The following UNC5D variants were observed in gnomAD, a reference collection of about 807,000 sequenced individuals.
UNC5D encodes the protein netrin receptor UNC5D.
In UNC5D, 39 loss-of-function variants were observed where a neutral mutation model predicts 105.4. That is an observed-to-expected ratio of 0.37 (90% CI 0.29 to 0.48). The LOEUF is 0.48. Ranked by LOEUF, UNC5D falls within the 20% of genes least tolerant of loss-of-function variation. The pLI, the probability that UNC5D is intolerant of heterozygous loss-of-function variation, is 0.98. For missense variants in UNC5D, 991 were observed against 1,202.4 expected, an observed-to-expected ratio of 0.82 and a Z score of 2.60; for synonymous variants, 452 against 450.4, an observed-to-expected ratio of 1.00 and a Z score of -0.04.
chr8:35,720,309 G>A (rs1242286871), intron 8 of UNC5D, among the ~76,000 whole-genome samples: 1 of 152,188 alleles, frequency 6.6e-6, no homozygotes, highest in Non-Finnish European at 1.5e-5. Flanking sequence ...AGCAACAAAG[G>A]AGCTGCATTC....
chr8:35,376,838 A>G (rs189832078), intron 1 of UNC5D, among the ~76,000 whole-genome samples: 3 of 152,338 alleles, frequency 2.0e-5, no homozygotes, highest in Admixed American at 2.0e-4. Context: ...TTCATCCGCC[A>G]GGAATGATCA....
At chr8:35,656,638 G>T (rs552470438) in intron 4 of UNC5D, among the ~76,000 whole-genome samples, 1 of 152,060 alleles carries the variant, frequency 6.6e-6, no homozygotes, top group Non-Finnish European at 1.5e-5. Context: ...CTCTTTGAGG[G>T]GCTGCACCTG....
chr8:35,282,300 A>G lies in UNC5D; in HGVS notation c.103+46413A>G, dbSNP rs192676810. Among the ~76,000 whole-genome samples the G allele has an allele frequency of 5.3e-5, 8 of 152,234 alleles. No homozygotes were observed. The East Asian group carries it at 1.5e-3, about 29-fold the overall frequency. ...CTTGTCCTCATTTTCCTTTCTTTGT[A>G]CCTGTTTACTGATAAAATTTGGTTG... On this transcript the variant is annotated intron_variant, in intron 1 of 16. Transcript: ENST00000404895.
intron 3 of UNC5D, among the ~76,000 whole-genome samples, chr8:35,573,582 A>G (rs1817894242): frequency 6.6e-6 from 1 of 152,200 alleles, no homozygotes; most frequent in Non-Finnish European, 1.5e-5. Flanking sequence ...AGGTATGTTG[A>G]TCCTTTTCTG....
intron 3 of UNC5D, among the ~76,000 whole-genome samples, chr8:35,588,969 G>A (rs1284026561): frequency 6.6e-6 from 1 of 152,044 alleles, no homozygotes; most frequent in African/African-American, 2.4e-5. Flanking sequence ...CTTGAATCTG[G>A]GAGGCAGAGG....
chr8:35,688,709 C>T (rs184760359), intron 7 of UNC5D, among the ~76,000 whole-genome samples: 406 of 152,332 alleles, frequency 2.7e-3, no homozygotes, highest in African/African-American at 7.9e-3. Context: ...AAGAAATGTG[C>T]TTCTCACCTC....
intron 1 of UNC5D, among the ~76,000 whole-genome samples, chr8:35,436,640 A>G (rs1274349539): frequency 2.0e-5 from 3 of 152,046 alleles, no homozygotes; most frequent in Admixed American, 6.6e-5. Flanking sequence ...TTGTATCTCC[A>G]TATAAATACT....
intron 1 of UNC5D, among the ~76,000 whole-genome samples, chr8:35,508,059 A>AT (rs1812453859): frequency 6.6e-6 from 1 of 152,198 alleles, no homozygotes; most frequent in Admixed American, 6.5e-5. Flanking sequence ...TGGTCCTATC[A>AT]TGACAGTCAT....
At chr8:35,434,411 T>C (rs960512821) in intron 1 of UNC5D, among the ~76,000 whole-genome samples, 11 of 152,220 alleles carry the variant, frequency 7.2e-5, no homozygotes, top group African/African-American at 2.4e-4. Context: ...GTAAGTAATT[T>C]TAAATTTTTT....
At chr8:35,606,847 T>C (rs1179680692) in intron 4 of UNC5D, among the ~76,000 whole-genome samples, 1 of 152,196 alleles carries the variant, frequency 6.6e-6, no homozygotes, top group African/African-American at 2.4e-5. Flanking sequence ...AGGGGACTTA[T>C]GAATTATAGG....
intron 1 of UNC5D, among the ~76,000 whole-genome samples, chr8:35,411,799 T>A (rs1296352709): frequency 5.9e-5 from 9 of 152,046 alleles, no homozygotes; most frequent in Non-Finnish European, 1.2e-4. Context: ...TAATTTTTTT[T>A]ATCAATGTTT....
At chr8:35,684,781 T>C (rs751563381) in intron 6 of UNC5D, 32 bp downstream of exon 6, 1 of 1,577,978 alleles carries the variant, frequency 6.3e-7, no homozygotes, top group South Asian at 1.2e-5. Context: ...TTTTCCCTTC[T>C]GATCCACCAA....
intron 1 of UNC5D, among the ~76,000 whole-genome samples, chr8:35,273,497 T>C (rs748235415): frequency 3.3e-5 from 5 of 152,180 alleles, no homozygotes; most frequent in Non-Finnish European, 7.3e-5. Context: ...CTTTCAGACT[T>C]AAGGAATAAA....
At chr8:35,482,249 T>C (rs1248318025) in intron 1 of UNC5D, among the ~76,000 whole-genome samples, 1 of 152,196 alleles carries the variant, frequency 6.6e-6, no homozygotes, top group African/African-American at 2.4e-5. Context: ...TTGTCCTTTT[T>C]CCTCCTGACT....
intron 4 of UNC5D, among the ~76,000 whole-genome samples, chr8:35,671,525 G>C (rs1170712514): frequency 1.3e-5 from 2 of 152,164 alleles, no homozygotes; most frequent in Non-Finnish European, 2.9e-5. Flanking sequence ...TTTAGTCACA[G>C]CTTTATTCCT....
At chr8:35,243,382 A>G (rs984444729) in intron 1 of UNC5D, among the ~76,000 whole-genome samples, 1 of 152,190 alleles carries the variant, frequency 6.6e-6, no homozygotes, top group Non-Finnish European at 1.5e-5. Flanking sequence ...CTCCAGTTTC[A>G]CAATATTTTA....
chr8:35,271,010 G>A (rs1805243485), intron 1 of UNC5D, among the ~76,000 whole-genome samples: 1 of 151,466 alleles, frequency 6.6e-6, no homozygotes, highest in Non-Finnish European at 1.5e-5. Flanking sequence ...CATCTATTCG[G>A]GTGAGCTACA....
At chr8:35,465,204 A>C (rs1393651200) in intron 1 of UNC5D, among the ~76,000 whole-genome samples, 3 of 152,228 alleles carry the variant, frequency 2.0e-5, no homozygotes, top group Admixed American at 2.0e-4. Context: ...CAGCATGGGC[A>C]ACGTGGCAAA....
chr8:35,267,203 G>A (rs761488667), intron 1 of UNC5D, among the ~76,000 whole-genome samples: 20 of 151,276 alleles, frequency 1.3e-4, no homozygotes, highest in African/African-American at 3.6e-4. Flanking sequence ...TTTTGATGGC[G>A]GAAAAAGAAT....
Sources: gnomAD v4.1 joint callset for allele counts (sites outside exome capture counted in the v4.1 genomes callset) on GRCh38, gnomAD v4.1.1 for gene constraint, MANE v1.5 for transcripts, NCBI Gene and HGNC (gene_info 2026-07-23, HGNC 2026-07-21) for gene names.